Variants in FKBP15 observed in about 807,000 individuals in gnomAD.
FKBP15 encodes FKBP prolyl isomerase family member 15, also known as FK506-binding protein 15.
FKBP15 carries 106 observed loss-of-function variants against 158.1 expected under a neutral mutation model. The observed-to-expected ratio is 0.67, with a 90% CI of 0.57 to 0.79. The LOEUF is 0.79. Ranked by LOEUF, FKBP15 falls within the 30% of genes least tolerant of loss-of-function variation. The probability of loss-of-function intolerance (pLI) is 0.00; values close to 1 mark genes in which losing one functional copy is unlikely to be tolerated. For synonymous variants in FKBP15, 547 were observed against 548.6 expected (o/e 1.00, Z 0.04); for missense variants, 1,287 against 1,479.1 (o/e 0.87, Z 2.13).
rs546545544 is a variant in FKBP15, at chr9:113,195,132, T to C, written c.865-963A>G. Among the ~76,000 whole-genome samples the C allele has an allele frequency of 3.9e-5, 6 of 152,332 alleles. No individual in the cohort carries two copies. The South Asian group carries it at 1.2e-3, about 32-fold the overall frequency. On this transcript the variant is annotated intron_variant, in intron 9 of 27. Coordinates refer to ENST00000238256, the MANE Select transcript of FKBP15 (RefSeq NM_015258.2). ...ACGCTAAGCTTGTGGGAGTTATTTA[T>C]ATCCTACTGCTCAAGGTCATCACCA... is the stretch of plus-strand genomic sequence containing the variant.
At chr9:113,221,145 G>C (rs891301011) in intron 1 of FKBP15, 46 bp downstream of exon 1, 1 of 1,564,800 alleles carries the variant, frequency 6.4e-7, no homozygotes, top group African/African-American at 1.4e-5. Context: ...CAATCCGCCG[G>C]TATCTCTCAG....
intron 12 of FKBP15, among the ~76,000 whole-genome samples, chr9:113,189,070 A>G (rs1024670751): frequency 2.0e-5 from 3 of 152,262 alleles, no homozygotes; most frequent in African/African-American, 7.2e-5. Flanking sequence ...ACTCTAAACA[A>G]AGTTATTCTA....
intron 9 of FKBP15, among the ~76,000 whole-genome samples, chr9:113,195,788 T>C (rs1466866024): frequency 6.6e-6 from 1 of 152,206 alleles, no homozygotes; most frequent in Non-Finnish European, 1.5e-5. Flanking sequence ...CACAATTTGT[T>C]GCATAGAAAC....
intron 1 of FKBP15, among the ~76,000 whole-genome samples, chr9:113,215,637 TATATA>T (rs1831110312): frequency 1.7e-5 from 2 of 119,936 alleles, no homozygotes; most frequent in South Asian, 2.9e-4. Context: ...TATATATATA[TATATA>T]TATTTTTTTT....
At chr9:113,188,302 A>T in intron 13 of FKBP15, 87 bp downstream of exon 13, 2 of 1,038,308 alleles carry the variant, frequency 1.9e-6, no homozygotes, top group Non-Finnish European at 2.9e-6. Context: ...GTACTGAAAC[A>T]ATGCAGCCTA....
intron 25 of FKBP15, 94 bp from the exon 26 acceptor site, chr9:113,170,036 CT>C: frequency 7.0e-7 from 1 of 1,426,362 alleles, no homozygotes; most frequent in Non-Finnish European, 9.2e-7. Flanking sequence ...GTTTAAATGA[CT>C]TTGCTTCTTT....
rs751029239 is a variant in FKBP15, at chr9:113,184,303, G to A, written c.1705C>T (p.Arg569Ter). 8 of 1,595,830 alleles carry A rather than the reference G, an allele frequency of 5.0e-6. No individual in the cohort carries two copies. The highest frequency in any genetic ancestry group is 2.2e-5 in the East Asian group (1 of 44,510). ...ETSMIMSNIQRIIQENERLKQ... is the reference protein window; with the variant it reads ...ETSMIMSNIQ Reference sequence around the variant, plus strand: ...TTAATCACCCTCACCTGAATGATTCGCTGGATGTTGCTCATAATCATGCTT... The same window carrying A: ...TTAATCACCCTCACCTGAATGATTCACTGGATGTTGCTCATAATCATGCTT... The change falls in exon 17 of 28, where the codon CGA becomes TGA. Residue 569 changes from arginine (R) to a stop codon, truncating the protein, a stop_gained. Transcript: ENST00000238256. LOFTEE classifies it high-confidence loss of function. The surrounding 1 kb of genome is among the most constrained non-coding windows in gnomAD (Gnocchi z 4.5).
chr9:113,181,566 G>GAACCTCTAAATTA (rs1830396481), intron 19 of FKBP15, among the ~76,000 whole-genome samples: 1 of 152,114 alleles, frequency 6.6e-6, no homozygotes, highest in African/African-American at 2.4e-5. Flanking sequence ...TAGAATCTCT[G>GAACCTCTAAATTA]GAGGTTCGGG....
At chr9:113,180,814 C>T (rs1204853983) in intron 19 of FKBP15, among the ~76,000 whole-genome samples, 1 of 152,074 alleles carries the variant, frequency 6.6e-6, no homozygotes, top group Non-Finnish European at 1.5e-5. Flanking sequence ...CATTATTCCA[C>T]GATTTTTTGT....
intron 6 of FKBP15, among the ~76,000 whole-genome samples, chr9:113,202,292 T>C (rs112999238): frequency 0.014 from 2,135 of 152,278 alleles, 43 homozygotes; most frequent in African/African-American, 0.049. Flanking sequence ...TATAATAAGA[T>C]TACATTTAGT....
At chr9:113,220,704 A>G (rs1831233140) in intron 1 of FKBP15, among the ~76,000 whole-genome samples, 1 of 152,204 alleles carries the variant, frequency 6.6e-6, no homozygotes. Context: ...CTGCAGGAAT[A>G]AGGAAGAGAA....
intron 20 of FKBP15, 89 bp from the exon 21 acceptor site, chr9:113,176,762 T>C (rs1171514059): frequency 3.5e-6 from 5 of 1,426,278 alleles, no homozygotes; most frequent in Non-Finnish European, 4.7e-6. Context: ...TTAAATTATT[T>C]TTTGGAGACA....
At position 113,198,170 on chromosome 9, in the gene FKBP15, T is replaced by A. The variant is rs948775808; in HGVS notation, c.717+685A>T. On this transcript the variant is annotated intron_variant, in intron 8 of 27. Coordinates refer to ENST00000238256, the MANE Select transcript of FKBP15 (RefSeq NM_015258.2). The surrounding 1 kb of genome is among the most constrained non-coding windows in gnomAD (Gnocchi z 5.2). The stretch of plus-strand genomic sequence containing the variant: ...CTGCTGTCACAGTTGCCTTCTACAG[T>A]GATTGGAAAGTGCTGATTCAAAGCA... Among the ~76,000 whole-genome samples, 5 of 152,162 alleles carry A rather than the reference T, an allele frequency of 3.3e-5. No homozygotes were observed. Among genetic ancestry groups the A allele is most frequent in the Non-Finnish European group, 7.4e-5 (5 of 68,008 alleles).
chr9:113,206,893 A>C, intron 3 of FKBP15: 1 of 423,586 alleles, frequency 2.4e-6, no homozygotes, highest in Non-Finnish European at 4.2e-6. Flanking sequence ...AGCAGTTTAT[A>C]ATTTAAAGCT....
intron 5 of FKBP15, 81 bp downstream of exon 5, chr9:113,202,880 T>G: frequency 8.6e-7 from 1 of 1,162,254 alleles, no homozygotes; most frequent in Non-Finnish European, 1.3e-6. Context: ...TGGATCTAAT[T>G]TCTATTAGGT....
intron 19 of FKBP15, among the ~76,000 whole-genome samples, chr9:113,182,059 A>C (rs1830407886): frequency 6.6e-6 from 1 of 152,242 alleles, no homozygotes; most frequent in African/African-American, 2.4e-5. Context: ...TCATTACAGA[A>C]TATGAGAAAG....
In FKBP15 at chr9:113,221,237, C is replaced by T. The variant is rs957007520; in HGVS notation, c.7G>A (p.Gly3Ser). The T allele has an allele frequency of 1.2e-6, 2 of 1,607,428 alleles. No individual in the cohort carries two copies. Among genetic ancestry groups the T allele is most frequent in the African/African-American group, 1.3e-5 (1 of 74,756 alleles). Residue 3 changes from glycine to serine, a missense_variant, in exon 1 of 28, where the codon GGT (glycine) becomes AGT (serine). Transcript: ENST00000238256. Reference protein sequence around the residue: MFGAGDEDDTDFL... With the variant: MFSAGDEDDTDFL... ...TCGGTGTCGTCCTCGTCCCCCGCAC[C>T]GAACATTGCGTTGGCTTTCACCGGG...
intron 21 of FKBP15, among the ~76,000 whole-genome samples, chr9:113,175,912 G>A (rs1054686517): frequency 1.3e-5 from 2 of 152,178 alleles, no homozygotes; most frequent in African/African-American, 4.8e-5. Context: ...ACATACTGCT[G>A]AAAGTGTAAG....
At position 113,182,832 on chromosome 9, in the gene FKBP15, C is replaced by A. The variant is rs771479841; in HGVS notation, c.1848G>T (p.Arg616Ser). The A allele has an allele frequency of 2.5e-6, 4 of 1,613,782 alleles. No individual in the cohort carries two copies. The highest frequency in any genetic ancestry group is 3.4e-6 in the Non-Finnish European group (4 of 1,179,744). The change falls in exon 19 of 28, where the codon AGG (arginine) becomes AGT (serine). Residue 616 changes from arginine to serine, a missense_variant. Physicochemically the swap from Arg to Ser is moderately radical, Grantham distance 110. Transcript: ENST00000238256. ...CTGTGGCTGTCTGAAGTGAGTTGTTCCTCTTCTCCATCATCAGGTTACTCT... is the reference window on the plus strand; with the variant it reads ...CTGTGGCTGTCTGAAGTGAGTTGTTACTCTTCTCCATCATCAGGTTACTCT... ...VEQSNLMMEK[R>S]NNSLQTATEN...
Sources: allele counts gnomAD v4.1 joint callset (sites outside exome capture counted in the v4.1 genomes callset), GRCh38; gene constraint gnomAD v4.1.1; non-coding constraint Gnocchi (gnomAD v3.1); transcripts MANE v1.5; gene names NCBI Gene and HGNC (gene_info 2026-07-23, HGNC 2026-07-21).